Variants in STXBP2 observed in about 807,000 individuals in gnomAD.
STXBP2 encodes the protein syntaxin binding protein 2, also known as syntaxin-binding protein 2.
STXBP2 carries 47 observed loss-of-function variants against 72.2 expected under a neutral mutation model. The ratio of observed to expected loss-of-function variants is 0.65; its 90% CI spans 0.51 to 0.83. STXBP2 has a LOEUF of 0.83. Among genes scored for constraint, STXBP2 ranks in the 40% least tolerant of loss-of-function variants. The pLI is 0.00. For missense variants in STXBP2, 702 were observed against 807.6 expected (o/e 0.87, Z 1.58); for synonymous variants, 367 against 338.7 (o/e 1.08, Z -0.92).
chr19:7,638,714 C>T lies in STXBP2; in HGVS notation c.38-12C>T. ...AACCAGCATTCTGACCCCTCCCCTC[C>T]CTTCCCTGCAGAAATTCTGAGCGGA... On this transcript the variant is annotated splice_polypyrimidine_tract_variant and intron_variant, in intron 1 of 18. Transcript: ENST00000221283. 2 of 1,614,140 alleles carry T rather than the reference C, an allele frequency of 1.2e-6. No individual in the cohort carries two copies. Among genetic ancestry groups the T allele is most frequent in the Non-Finnish European group, 1.7e-6 (2 of 1,180,006 alleles).
intron 6 of STXBP2, 132 bp downstream of exon 6, chr19:7,641,135 C>A (rs371231977): frequency 6.4e-6 from 6 of 934,462 alleles, no homozygotes; most frequent in African/African-American, 1.6e-5. Flanking sequence ...GAGGCCAGGG[C>A]AGGAGGATCA....
chr19:7,647,270 G>A (rs771238685), intron 17 of STXBP2, 23 bp downstream of exon 17: 63 of 1,610,340 alleles, frequency 3.9e-5, no homozygotes, highest in African/African-American at 2.8e-4. Flanking sequence ...GGCCGCCCCC[G>A]CCCACGCCTG....
At chr19:7,632,169 G>A (rs891268027), upstream of STXBP2, 13 of 700,090 alleles carry the variant, frequency 1.9e-5, no homozygotes, top group Non-Finnish European at 2.8e-5. This position sits in a 1 kb window ranked among gnomAD's most constrained non-coding sequence, Gnocchi z 5.2. Context: ...CAGACTTGGG[G>A]GCAGGAGCCA....
intron 15 of STXBP2, chr19:7,645,510 G>T (rs1431010934): frequency 6.9e-6 from 4 of 578,148 alleles, no homozygotes; most frequent in South Asian, 4.0e-5. Flanking sequence ...TACACAATAG[G>T]CAGGGGAAGT....
chr19:7,632,535 G>T, upstream of STXBP2: 1 of 1,611,448 alleles, frequency 6.2e-7, no homozygotes. This position sits in a 1 kb window ranked among gnomAD's most constrained non-coding sequence, Gnocchi z 5.2. Flanking sequence ...GACGTTCACA[G>T]ACTTGGGAGG....
rs1310801774 is a variant in STXBP2, at chr19:7,647,502, G to T, written c.1687G>T (p.Val563Leu). Residue 563 changes from valine to leucine, a missense_variant, in exon 18 of 19, where the codon GTG becomes TTG. By Grantham distance (32) the Val-to-Leu change is conservative. Coordinates refer to ENST00000221283, the MANE Select transcript of STXBP2 (RefSeq NM_006949.4). ...VTRATEGKWE[V>L]LIGSSHILTP... The stretch of plus-strand genomic sequence containing the variant: ...CAGGGCCACCGAGGGCAAGTGGGAG[G>T]TGCTCATTGGTAAGTCACCAGGACT... The T allele has an allele frequency of 6.3e-7, 1 of 1,597,348 alleles. No individual in the cohort carries two copies.
chr19:7,637,355 G>A (rs947754880), intron 1 of STXBP2, among the ~76,000 whole-genome samples, 169 bp downstream of exon 1: 2 of 152,126 alleles, frequency 1.3e-5, no homozygotes, highest in African/African-American at 4.8e-5. Context: ...CCAGCTGGAC[G>A]CCCCTGCTCT....
chr19:7,636,036 G>C (rs1019870322), upstream of STXBP2, among the ~76,000 whole-genome samples: 4 of 152,094 alleles, frequency 2.6e-5, no homozygotes, highest in Admixed American at 2.0e-4. Flanking sequence ...AGAGGCCCTC[G>C]GGGGTCATCC....
intron 13 of STXBP2, 55 bp from the exon 14 acceptor site, chr19:7,644,559 C>CCAT (rs1433440854): frequency 6.2e-7 from 1 of 1,602,884 alleles, no homozygotes; most frequent in Middle Eastern, 1.7e-4. Flanking sequence ...CCCGCCTCTC[C>CCAT]CATCCCCTTC....
intron 16 of STXBP2, 108 bp downstream of exon 16, chr19:7,646,452 T>G (rs936054726): frequency 2.8e-6 from 3 of 1,053,354 alleles, no homozygotes; most frequent in African/African-American, 3.2e-5. Context: ...AAATGCTCAT[T>G]GCTGGCATTC....
intron 15 of STXBP2, chr19:7,645,916 A>T (rs1599405727): frequency 7.9e-6 from 3 of 380,626 alleles, no homozygotes; most frequent in Non-Finnish European, 1.4e-5. Context: ...TTCTGTCCCC[A>T]TCTTCCTCTC....
intron 6 of STXBP2, 83 bp downstream of exon 6, chr19:7,641,086 TGGGCG>T: frequency 3.6e-6 from 5 of 1,387,242 alleles, no homozygotes; most frequent in Non-Finnish European, 5.0e-6. Flanking sequence ...ACACTGAGGC[TGGGCG>T]CAGTGGCTCA....
chr19:7,645,215 T>C lies in STXBP2; in HGVS notation c.1265T>C (p.Leu422Pro). ...CCCCCAGGTGTGAGTGAGGAGAACC[T>C]GGCCAAGCTGATCCAGCATGCCAAT... ...LLRNGVSEENLAKLIQHANVQ... is the reference protein window; with the variant it reads ...LLRNGVSEENPAKLIQHANVQ... Residue 422 changes from leucine to proline, a missense_variant, in exon 15 of 19, where the codon CTG becomes CCG. Transcript: ENST00000221283. 6.4e-7 allele frequency: 1 copy of C among 1,566,706 alleles called. No homozygotes were observed. Among genetic ancestry groups the C allele is most frequent in the South Asian group, 1.2e-5 (1 of 85,374 alleles).
chr19:7,638,980 C>G, intron 2 of STXBP2, 39 bp from the exon 3 acceptor site: 1 of 1,612,380 alleles, frequency 6.2e-7, no homozygotes, highest in Non-Finnish European at 8.5e-7. Flanking sequence ...TGGCCTCTTC[C>G]GCCTGCTCCT....
At chr19:7,632,577 C>G (rs549223622), upstream of STXBP2, 85 of 1,601,592 alleles carry the variant, frequency 5.3e-5, no homozygotes, top group African/African-American at 8.8e-4. This position sits in a 1 kb window ranked among gnomAD's most constrained non-coding sequence, Gnocchi z 5.2. Context: ...CCAACCCTAC[C>G]CCTTCACCCC....
upstream of STXBP2, chr19:7,636,971 C>G (rs183762216): frequency 1.5e-5 from 9 of 594,868 alleles, no homozygotes; most frequent in Non-Finnish European, 2.2e-5. Context: ...CGCACCTGCC[C>G]GTCCTCCCCG....
chr19:7,631,461 C>T, the STXBP2 span: 2 of 1,531,920 alleles, frequency 1.3e-6, no homozygotes, highest in Non-Finnish European at 1.7e-6. Flanking sequence ...CCACCCGCTT[C>T]TCCACCCCTA....
chr19:7,643,393 G>A, intron 13 of STXBP2, 148 bp downstream of exon 13: 1 of 839,998 alleles, frequency 1.2e-6, no homozygotes, highest in Admixed American at 2.1e-5. Flanking sequence ...GGGACCTGGT[G>A]GGGAAGGAGT....
intron 6 of STXBP2, 156 bp downstream of exon 6, chr19:7,641,159 G>A (rs773181480): frequency 8.4e-5 from 65 of 773,754 alleles, no homozygotes; most frequent in Admixed American, 1.2e-4. Context: ...GGGGCCAGGA[G>A]TTTGAGACCA....
Sources: gnomAD v4.1 joint callset for allele counts (sites outside exome capture counted in the v4.1 genomes callset) on GRCh38, gnomAD v4.1.1 for gene constraint, Gnocchi (gnomAD v3.1) non-coding constraint, MANE v1.5 for transcripts, NCBI Gene and HGNC (gene_info 2026-07-23, HGNC 2026-07-21) for gene names.